SYT14: variants seen among roughly 807,000 people sequenced by gnomAD.
SYT14 encodes synaptotagmin 14, also known as synaptotagmin-14.
A neutral mutation model predicts 74.2 loss-of-function variants in SYT14; 32 were observed. That is an observed-to-expected ratio of 0.43 (90% CI 0.33 to 0.58). The LOEUF (loss-of-function observed/expected upper bound fraction) is 0.58. Among genes scored for constraint, SYT14 ranks in the 20% least tolerant of loss-of-function variants. The pLI, the probability that SYT14 is intolerant of heterozygous loss-of-function variation, is 0.05. For synonymous variants in SYT14, 298 were observed against 337.7 expected (o/e 0.88, Z 1.29); for missense variants, 791 against 981.8 (o/e 0.81, Z 2.60).
chr1:210,065,060 T>C (rs1222869075), intron 5 of SYT14, among the ~76,000 whole-genome samples: 1 of 152,146 alleles, frequency 6.6e-6, no homozygotes, highest in Non-Finnish European at 1.5e-5. Context: ...TACTAGCCAC[T>C]TGTCTATCTT....
Position 210,156,683 on chromosome 1 carries a change from C to CTTT in SYT14, c.2224+799_2224+801dup, listed in dbSNP as rs71146208. On this transcript the variant is annotated intron_variant, in intron 8 of 9. Transcript: ENST00000637265. ...AGGTAAACTGGGAAAGTGGCAGCTTCTTTTTTTTTTTTTTTTTTTTTTTTT... is the reference window on the plus strand; with the variant it reads ...AGGTAAACTGGGAAAGTGGCAGCTTCTTTTTTTTTTTTTTTTTTTTTTTTTTTT... 7.0e-4 allele frequency among the ~76,000 whole-genome samples: 39 copies of CTTT among 55,992 alleles called. 2 individuals carry two copies. The highest frequency in any genetic ancestry group is 1.0e-3 in the South Asian group (1 of 1,004). The allele number at this position is 55,992 out of a possible 152,430, so 36.7% of individuals were successfully genotyped here.
intron 5 of SYT14, among the ~76,000 whole-genome samples, chr1:210,061,615 T>C (rs2081209595): frequency 6.6e-6 from 1 of 151,938 alleles, no homozygotes; most frequent in Non-Finnish European, 1.5e-5. Flanking sequence ...TTAAGTTTGA[T>C]AGACTTGAGC....
chr1:210,097,541 G>A (rs2081988620), intron 6 of SYT14, among the ~76,000 whole-genome samples: 1 of 151,708 alleles, frequency 6.6e-6, no homozygotes, highest in Admixed American at 6.6e-5. Flanking sequence ...AATCAGGGCG[G>A]CACCAAGAGA....
intron 2 of SYT14, among the ~76,000 whole-genome samples, chr1:209,980,512 A>T (rs2079463892): frequency 6.6e-6 from 1 of 152,154 alleles, no homozygotes; most frequent in Non-Finnish European, 1.5e-5. Context: ...TTTGTCATGA[A>T]GTCTTTGCCG....
intron 7 of SYT14, among the ~76,000 whole-genome samples, chr1:210,119,649 G>C (rs1022733368): frequency 6.6e-6 from 1 of 152,124 alleles, no homozygotes; most frequent in African/African-American, 2.4e-5. Flanking sequence ...TAAATTTCCT[G>C]ATGTTTATTT....
Position 210,112,361 on chromosome 1 carries a change from G to A in SYT14, c.2034+11900G>A, listed in dbSNP as rs1015868691. Reference sequence around the variant, plus strand: ...GATTTTCTTGAGGACAGATTTCCACGATGGAAAGGAAATGAGAGGTTCTAA... The same window carrying A: ...GATTTTCTTGAGGACAGATTTCCACAATGGAAAGGAAATGAGAGGTTCTAA... On this transcript the variant is annotated intron_variant, in intron 7 of 9. Transcript: ENST00000637265. 4.6e-5 allele frequency among the ~76,000 whole-genome samples: 7 copies of A among 151,510 alleles called. 1 individual carries two copies. The highest frequency in any genetic ancestry group is 1.2e-4 in the African/African-American group (5 of 40,798).
At chr1:209,992,879 A>C (rs2079718419) in intron 2 of SYT14, among the ~76,000 whole-genome samples, 1 of 152,102 alleles carries the variant, frequency 6.6e-6, no homozygotes. Context: ...GCTGAGCATG[A>C]AGGTGGGGAA....
At chr1:210,068,696 T>G (rs1205756305) in intron 5 of SYT14, among the ~76,000 whole-genome samples, 1 of 151,710 alleles carries the variant, frequency 6.6e-6, no homozygotes, top group Non-Finnish European at 1.5e-5. Context: ...ATAGCATTCT[T>G]TTGTTTACTT....
At chr1:210,165,580 T>A (rs948734070) in exon 10 of SYT14, 1 of 152,188 alleles carries the variant, frequency 6.6e-6, no homozygotes, top group Non-Finnish European at 1.5e-5. Context: ...CTAGCCCATA[T>A]CTCACTCATA....
chr1:210,160,844 A>T, exon 10 of SYT14: 1 of 1,614,048 alleles, frequency 6.2e-7, no homozygotes, highest in Non-Finnish European at 8.5e-7. Context: ...TTGTCTTTCA[A>T]GTGGCCCTAT....
intron 5 of SYT14, among the ~76,000 whole-genome samples, chr1:210,080,876 G>A (rs1208508658): frequency 6.6e-6 from 1 of 152,118 alleles, no homozygotes; most frequent in East Asian, 1.9e-4. Context: ...TTGGGGATGG[G>A]GTGACAAATG....
intron 7 of SYT14, among the ~76,000 whole-genome samples, chr1:210,141,254 G>T (rs1008469638): frequency 2.6e-5 from 4 of 152,004 alleles, no homozygotes; most frequent in Non-Finnish European, 5.9e-5. Context: ...TTACAGTTTT[G>T]TTAAATACAT....
chr1:210,001,241 T>C (rs2079894686), intron 2 of SYT14, among the ~76,000 whole-genome samples: 1 of 145,934 alleles, frequency 6.9e-6, no homozygotes, highest in Non-Finnish European at 1.5e-5. Flanking sequence ...ACCTTCCAGC[T>C]CAAATTTGCT....
chr1:210,068,211 A>G (rs1444449082), intron 5 of SYT14, among the ~76,000 whole-genome samples: 1 of 151,794 alleles, frequency 6.6e-6, no homozygotes. Context: ...TTTATCTTTT[A>G]ATCTGTTCAT....
chr1:210,120,188 A>C (rs1295109409), intron 7 of SYT14, among the ~76,000 whole-genome samples: 2 of 152,014 alleles, frequency 1.3e-5, no homozygotes, highest in Non-Finnish European at 2.9e-5. Context: ...GAAACTGAAA[A>C]CTTGAGTTTG....
chr1:209,947,510 A>G (rs1341956094), intron 1 of SYT14, among the ~76,000 whole-genome samples: 2 of 152,206 alleles, frequency 1.3e-5, no homozygotes, highest in Non-Finnish European at 2.9e-5. Context: ...GAGAACTAGA[A>G]TTAGAAGTGG....
At chr1:209,984,243 T>C (rs1259705782) in intron 2 of SYT14, among the ~76,000 whole-genome samples, 1 of 152,168 alleles carries the variant, frequency 6.6e-6, no homozygotes, top group African/African-American at 2.4e-5. Context: ...TGAGCTGATG[T>C]CCCCATTGCC....
At chr1:210,001,822 A>C (rs906076036) in intron 2 of SYT14, among the ~76,000 whole-genome samples, 1 of 152,204 alleles carries the variant, frequency 6.6e-6, no homozygotes, top group African/African-American at 2.4e-5. Context: ...GGGAACATCC[A>C]GGGAAAAACA....
chr1:210,146,791 A>C (rs1226054927), intron 7 of SYT14, among the ~76,000 whole-genome samples: 1 of 150,274 alleles, frequency 6.7e-6, no homozygotes. Flanking sequence ...TACATACTAT[A>C]TGTATGTAAT....
Sources: allele counts gnomAD v4.1 joint callset (sites outside exome capture counted in the v4.1 genomes callset), GRCh38; gene constraint gnomAD v4.1.1; transcripts MANE v1.5; gene names NCBI Gene and HGNC (gene_info 2026-07-23, HGNC 2026-07-21).